NUAK1: variants seen among roughly 807,000 people sequenced by gnomAD.
The protein encoded by NUAK1 is NUAK family SNF1-like kinase 1.
NUAK1 carries 26 observed loss-of-function variants against 56.9 expected under a neutral mutation model. The ratio of observed to expected loss-of-function variants is 0.46; its 90% confidence interval spans 0.33 to 0.63. The LOEUF (loss-of-function observed/expected upper bound fraction) is 0.63, where lower values mean the gene tolerates loss of function less well. Among genes scored for constraint, NUAK1 ranks in the 30% least tolerant of loss-of-function variants. NUAK1 has a pLI of 0.02. For missense variants in NUAK1, 727 were observed against 876.1 expected, an observed-to-expected ratio of 0.83 and a Z score of 2.15; for synonymous variants, 337 against 336.0, an observed-to-expected ratio of 1.00 and a Z score of -0.03.
At chr12:106,133,368 G>A (rs1592865520) in intron 1 of NUAK1, among the ~76,000 whole-genome samples, 1 of 152,108 alleles carries the variant, frequency 6.6e-6, no homozygotes, top group South Asian at 2.1e-4. Context: ...CGGAAGGGTG[G>A]GCGATCACCC....
chr12:106,134,024 C>T (rs1280692770), intron 1 of NUAK1, among the ~76,000 whole-genome samples: 1 of 152,144 alleles, frequency 6.6e-6, no homozygotes, highest in Non-Finnish European at 1.5e-5. Flanking sequence ...AAGAGTGAGG[C>T]CCATGTCTTT....
At chr12:106,132,156 G>A (rs1435006387) in intron 1 of NUAK1, among the ~76,000 whole-genome samples, 1 of 152,170 alleles carries the variant, frequency 6.6e-6, no homozygotes, top group East Asian at 1.9e-4. Context: ...ATGTGCAAAC[G>A]TAACAGAAGG....
At chr12:106,126,043 T>C (rs1185821267) in intron 1 of NUAK1, among the ~76,000 whole-genome samples, 2 of 152,254 alleles carry the variant, frequency 1.3e-5, no homozygotes, top group Middle Eastern at 3.4e-3. Context: ...TCTTAATTGA[T>C]ACTGAGAAAG....
intron 4 of NUAK1, among the ~76,000 whole-genome samples, chr12:106,078,139 G>A (rs555639849): frequency 6.6e-6 from 1 of 152,348 alleles, no homozygotes; most frequent in Admixed American, 6.5e-5. Flanking sequence ...GTTAAGGCAG[G>A]GGGACTGCTT....
At chr12:106,108,304 A>G (rs1169552036) in intron 1 of NUAK1, among the ~76,000 whole-genome samples, 1 of 152,198 alleles carries the variant, frequency 6.6e-6, no homozygotes, top group Non-Finnish European at 1.5e-5. Context: ...TATAAAACAC[A>G]GGGGGCCCTG....
intron 4 of NUAK1, among the ~76,000 whole-genome samples, chr12:106,079,114 A>G (rs1157440409): frequency 1.3e-5 from 2 of 152,164 alleles, no homozygotes; most frequent in Non-Finnish European, 2.9e-5. Flanking sequence ...TAGCTGCAAG[A>G]GCTTCCTCTT....
At chr12:106,116,938 T>A (rs556973436) in intron 1 of NUAK1, among the ~76,000 whole-genome samples, 26 of 152,310 alleles carry the variant, frequency 1.7e-4, no homozygotes, top group Admixed American at 1.6e-3. Context: ...ATGAGTCGAT[T>A]CCACAGCAAG....
intron 2 of NUAK1, among the ~76,000 whole-genome samples, chr12:106,099,199 A>C (rs1402489552): frequency 6.6e-6 from 1 of 152,212 alleles, no homozygotes; most frequent in Admixed American, 6.5e-5. Flanking sequence ...TGGTTCAAGA[A>C]AGACACATTT....
chr12:106,082,406 T>C (rs2032526442), intron 4 of NUAK1, among the ~76,000 whole-genome samples: 1 of 152,192 alleles, frequency 6.6e-6, no homozygotes, highest in South Asian at 2.1e-4. Context: ...ACACAGAGTG[T>C]CTCATTCACT....
chr12:106,129,172 C>T (rs912530197), intron 1 of NUAK1, among the ~76,000 whole-genome samples: 3 of 152,200 alleles, frequency 2.0e-5, no homozygotes, highest in Non-Finnish European at 4.4e-5. Flanking sequence ...GGGCTTGAGC[C>T]ACCTCTCCAG....
chr12:106,138,313 CAA>C lies in NUAK1; in HGVS notation c.240+99_240+100del. On this transcript the variant is annotated intron_variant, in intron 1 of 6. Transcript: ENST00000261402. The surrounding 1 kb of genome is among the most constrained non-coding windows in gnomAD (Gnocchi z 5.0). ...GCTTCCCAATGAGCCCCCTCTCTGT[CAA>C]GAGAGCCCCAGGGCGCACAGACCCC... 3.5e-6 allele frequency: 5 copies of C among 1,446,102 alleles called. No individual in the cohort carries two copies. Among genetic ancestry groups the C allele is most frequent in the Non-Finnish European group, 4.6e-6 (5 of 1,098,330 alleles). 89.6% of individuals were successfully genotyped at this position (1,446,102 alleles called of 1,614,324 possible).
In NUAK1 at chr12:106,065,132, C is replaced by T. The variant is rs773822936; in HGVS notation, c.*1670G>A. 4.6e-5 allele frequency: 7 copies of T among 152,180 alleles called. No homozygotes were observed. Among genetic ancestry groups the T allele is most frequent in the Non-Finnish European group, 1.0e-4 (7 of 68,048 alleles). 9.4% of individuals were successfully genotyped at this position (152,180 alleles called of 1,614,324 possible). A position where few individuals can be genotyped will look rare whatever the true frequency, so the allele number is the denominator to read the frequency against. ...GTCCTCTTTTCTATCTACACGTCTA[C>T]CAGTGGTGGCCATCTTGAACTGAGT... On this transcript the variant is annotated 3_prime_UTR_variant, in exon 7 of 7. Coordinates refer to ENST00000261402, the MANE Select transcript of NUAK1 (RefSeq NM_014840.3).
At chr12:106,135,103 TG>T (rs764455058) in intron 1 of NUAK1, among the ~76,000 whole-genome samples, 10 of 152,238 alleles carry the variant, frequency 6.6e-5, no homozygotes, top group Non-Finnish European at 1.2e-4. Flanking sequence ...CACAAGTCTA[TG>T]AAGTTGGTAC....
At chr12:106,112,940 A>G (rs2032878678) in intron 1 of NUAK1, among the ~76,000 whole-genome samples, 3 of 152,218 alleles carry the variant, frequency 2.0e-5, no homozygotes, top group Non-Finnish European at 2.9e-5. Flanking sequence ...AAAATTCTAC[A>G]TAAAAGAGAT....
intron 1 of NUAK1, among the ~76,000 whole-genome samples, chr12:106,136,914 C>CA (rs2033134670): frequency 6.6e-6 from 1 of 152,230 alleles, no homozygotes; most frequent in Non-Finnish European, 1.5e-5. Flanking sequence ...GCCACCCTTA[C>CA]AACCCTCCCC....
chr12:106,114,644 G>A (rs1438894285), intron 1 of NUAK1, among the ~76,000 whole-genome samples: 9 of 152,158 alleles, frequency 5.9e-5, no homozygotes, highest in South Asian at 2.1e-4. Context: ...CCAAGTTCAC[G>A]AAGTTATCAG....
chr12:106,093,973 A>T (rs2032665676), intron 2 of NUAK1, among the ~76,000 whole-genome samples: 1 of 141,930 alleles, frequency 7.0e-6, no homozygotes, highest in African/African-American at 2.6e-5. Flanking sequence ...TAATCTTTGT[A>T]ATTTTTTTTT....
chr12:106,108,874 T>C (rs1280383908), intron 1 of NUAK1, among the ~76,000 whole-genome samples: 1 of 152,136 alleles, frequency 6.6e-6, no homozygotes, highest in African/African-American at 2.4e-5. Context: ...CATGGTGCAA[T>C]CGCCAGGGGA....
At chr12:106,128,379 C>T (rs1488891003) in intron 1 of NUAK1, among the ~76,000 whole-genome samples, 3 of 152,126 alleles carry the variant, frequency 2.0e-5, no homozygotes, top group Non-Finnish European at 2.9e-5. Flanking sequence ...AATCCACCCA[C>T]CTCGGCCTCT....
Sources: gnomAD v4.1 joint callset for allele counts (sites outside exome capture counted in the v4.1 genomes callset) on GRCh38, gnomAD v4.1.1 for gene constraint, Gnocchi (gnomAD v3.1) non-coding constraint, MANE v1.5 for transcripts, NCBI Gene and HGNC (gene_info 2026-07-23, HGNC 2026-07-21) for gene names.